Variants in HDAC9 observed in about 807,000 individuals in gnomAD.
HDAC9 encodes the protein MEF-2 interacting transcription repressor (MITR) protein.
HDAC9 carries 41 observed loss-of-function variants against 139.4 expected under a neutral mutation model. The ratio of observed to expected loss-of-function variants is 0.29; its 90% CI spans 0.23 to 0.38. The LOEUF is 0.38. Ranked by LOEUF, HDAC9 falls within the 10% of genes least tolerant of loss-of-function variation. HDAC9 has a pLI of 1.00. For synonymous variants in HDAC9, 517 were observed against 476.2 expected (o/e 1.09, Z -1.12); for missense variants, 1,147 against 1,297.0 (o/e 0.88, Z 1.78).
At chr7:18,345,979 G>A (rs77493734) in intron 1 of HDAC9, among the ~76,000 whole-genome samples, 2,557 of 152,160 alleles carry the variant, frequency 0.017, 28 homozygotes, top group Middle Eastern at 0.027. Flanking sequence ...GAGTTTAAAG[G>A]TAGGTATTTT....
At chr7:18,740,562 C>G (rs1017025978) in intron 13 of HDAC9, among the ~76,000 whole-genome samples, 1 of 152,186 alleles carries the variant, frequency 6.6e-6, no homozygotes, top group African/African-American at 2.4e-5. Flanking sequence ...CTTTTTGGCC[C>G]TCTCTATTCC....
intron 11 of HDAC9, among the ~76,000 whole-genome samples, chr7:18,655,552 T>C (rs1790847381): frequency 6.6e-6 from 1 of 152,208 alleles, no homozygotes; most frequent in African/African-American, 2.4e-5. Flanking sequence ...TATTTCACTA[T>C]ATAATTACAA....
At chr7:18,639,452 T>G (rs1272471124) in intron 8 of HDAC9, among the ~76,000 whole-genome samples, 1 of 147,556 alleles carries the variant, frequency 6.8e-6, no homozygotes, top group African/African-American at 2.7e-5. Context: ...CAAATGATCT[T>G]TCTTTTTTTG....
intron 17 of HDAC9, among the ~76,000 whole-genome samples, chr7:18,809,769 G>A (rs1042659323): frequency 2.0e-5 from 3 of 151,800 alleles, no homozygotes; most frequent in Non-Finnish European, 4.4e-5. Context: ...ACTGTTAATG[G>A]GAATCTAAAT....
chr7:18,909,728 G>C (rs1585287601), intron 22 of HDAC9, among the ~76,000 whole-genome samples: 1 of 151,854 alleles, frequency 6.6e-6, no homozygotes, highest in African/African-American at 2.4e-5. Context: ...CTTCCCCAAC[G>C]TATGTTCTTG....
chr7:18,374,876 T>C (rs1784870715), intron 1 of HDAC9, among the ~76,000 whole-genome samples: 1 of 152,258 alleles, frequency 6.6e-6, no homozygotes, highest in East Asian at 1.9e-4. Flanking sequence ...TCCTATTGCC[T>C]GGTGCTATTA....
intron 1 of HDAC9, among the ~76,000 whole-genome samples, chr7:18,355,979 A>G (rs189076578): frequency 2.5e-4 from 38 of 152,314 alleles, no homozygotes; most frequent in African/African-American, 8.7e-4. Context: ...AAATGTTCCA[A>G]AATTGGATTA....
intron 1 of HDAC9, among the ~76,000 whole-genome samples, chr7:18,323,611 A>G (rs1051346548): frequency 1.3e-5 from 2 of 152,122 alleles, no homozygotes; most frequent in African/African-American, 4.8e-5. Context: ...TATCTTTTAA[A>G]AGCTCCCATG....
intron 2 of HDAC9, among the ~76,000 whole-genome samples, chr7:18,180,049 A>G (rs1215630322): frequency 6.6e-6 from 1 of 152,136 alleles, no homozygotes; most frequent in Non-Finnish European, 1.5e-5. Flanking sequence ...CTCTGTCTTT[A>G]GGTTTGCTCA....
intron 14 of HDAC9, among the ~76,000 whole-genome samples, chr7:18,757,186 T>C (rs1166589708): frequency 6.6e-6 from 1 of 152,200 alleles, no homozygotes; most frequent in South Asian, 2.1e-4. Context: ...AAGTCATTTA[T>C]GATTCTTTAT....
chr7:18,898,439 T>TA (rs1801409578), intron 22 of HDAC9, among the ~76,000 whole-genome samples: 1 of 151,854 alleles, frequency 6.6e-6, no homozygotes, highest in African/African-American at 2.4e-5. Context: ...TTCAGAAAAA[T>TA]AATGAGTGGC....
At chr7:18,689,941 G>T (rs1394387647) in intron 12 of HDAC9, among the ~76,000 whole-genome samples, 1 of 152,018 alleles carries the variant, frequency 6.6e-6, no homozygotes, top group African/African-American at 2.4e-5. Flanking sequence ...ATTATGATGT[G>T]TAGAAGGTAT....
At chr7:18,164,865 G>A (rs886309243) in intron 2 of HDAC9, among the ~76,000 whole-genome samples, 5 of 152,138 alleles carry the variant, frequency 3.3e-5, no homozygotes, top group Non-Finnish European at 7.3e-5. Context: ...AGACTATCTG[G>A]ATAAGATTGG....
At chr7:18,983,085 T>C (rs561549375) in intron 25 of HDAC9, among the ~76,000 whole-genome samples, 61 of 152,314 alleles carry the variant, frequency 4.0e-4, no homozygotes, top group Admixed American at 1.2e-3. Flanking sequence ...CTTGTAGCCA[T>C]TGACCAGCTC....
At chr7:18,908,717 A>C (rs924936661) in intron 22 of HDAC9, among the ~76,000 whole-genome samples, 25 of 151,590 alleles carry the variant, frequency 1.6e-4, no homozygotes, top group African/African-American at 5.6e-4. Context: ...CACAAATGAC[A>C]AAAAAAAATT....
chr7:18,213,825 A>G (rs1293408788), intron 2 of HDAC9, among the ~76,000 whole-genome samples: 2 of 152,100 alleles, frequency 1.3e-5, no homozygotes, highest in Non-Finnish European at 2.9e-5. Flanking sequence ...ATTTCTTGAG[A>G]CATGTCTACC....
At chr7:18,392,919 C>CAAAAA (rs773532939) in intron 1 of HDAC9, among the ~76,000 whole-genome samples, 1 of 44,556 alleles carries the variant, frequency 2.2e-5, no homozygotes, top group African/African-American at 6.1e-5. Flanking sequence ...CCATGACTGG[C>CAAAAA]AAAAAAAAAA....
At position 18,354,056 on chromosome 7, in the gene HDAC9, G is replaced by T. The variant is rs192059189; in HGVS notation, c.-42+63541G>T. Among the ~76,000 whole-genome samples the T allele has an allele frequency of 4.5e-3, 692 of 152,132 alleles. 1 individual carries two copies. The highest frequency in any genetic ancestry group is 7.6e-3 in the Non-Finnish European group (515 of 67,976). On this transcript the variant is annotated intron_variant, in intron 1 of 3. Transcript: ENST00000413509. ...TTTGGGACTTAGCAAATTCTGGGTT[G>T]TATGTTTTAAGGTGAAAAAAAAGCA...
intron 17 of HDAC9, among the ~76,000 whole-genome samples, chr7:18,817,226 G>A (rs555248139): frequency 2.3e-4 from 35 of 151,932 alleles, no homozygotes; most frequent in African/African-American, 8.4e-4. Flanking sequence ...TAGTAGAGAC[G>A]GGTTTCACCG....
Sources: allele counts gnomAD v4.1 joint callset (sites outside exome capture counted in the v4.1 genomes callset), GRCh38; gene constraint gnomAD v4.1.1; transcripts MANE v1.5; gene names NCBI Gene and HGNC (gene_info 2026-07-23, HGNC 2026-07-21).